The following ADAM12 variants were observed in gnomAD, a reference collection of about 807,000 sequenced individuals.
The protein encoded by ADAM12 is ADAM metallopeptidase domain 12, also known as disintegrin and metalloproteinase domain-containing protein 12.
Under a neutral mutation model 106.4 loss-of-function variants are expected in ADAM12, and 70 were observed. The ratio of observed to expected loss-of-function variants is 0.66; its 90% CI spans 0.54 to 0.80. The LOEUF (loss-of-function observed/expected upper bound fraction) is 0.80, where lower values mean the gene tolerates loss of function less well. Among genes scored for constraint, ADAM12 ranks in the 30% least tolerant of loss-of-function variants. ADAM12 has a pLI of 0.00. For synonymous variants in ADAM12, 420 were observed against 433.5 expected (o/e 0.97, Z 0.39); for missense variants, 1,010 against 1,171.9 (o/e 0.86, Z 2.02).
At chr10:126,135,528 A>G in intron 5 of ADAM12, 56 bp downstream of exon 5, 1 of 1,517,540 alleles carries the variant, frequency 6.6e-7, no homozygotes, top group Non-Finnish European at 9.1e-7. Context: ...GAAAAGACAG[A>G]GGTTGCCTGC....
intron 3 of ADAM12, among the ~76,000 whole-genome samples, chr10:126,162,324 C>T (rs765948776): frequency 6.6e-6 from 1 of 152,040 alleles, no homozygotes; most frequent in Non-Finnish European, 1.5e-5. Context: ...GGAGAGCATT[C>T]CAGCGAGAGG....
intron 19 of ADAM12, among the ~76,000 whole-genome samples, chr10:126,038,892 AC>A (rs1954105201): frequency 6.7e-6 from 1 of 150,226 alleles, no homozygotes. Flanking sequence ...AGAAAATCTG[AC>A]CTTTGCTAAA....
chr10:126,102,012 C>T (rs919119038), intron 8 of ADAM12, among the ~76,000 whole-genome samples: 3 of 152,154 alleles, frequency 2.0e-5, no homozygotes, highest in Middle Eastern at 3.2e-3. Context: ...TTGGGTGTTC[C>T]TGACTTCAGC....
intron 14 of ADAM12, among the ~76,000 whole-genome samples, chr10:126,057,958 T>TGAATCAGA (rs1954668830): frequency 6.6e-6 from 1 of 152,212 alleles, no homozygotes; most frequent in Admixed American, 6.5e-5. Context: ...CACATAAGAT[T>TGAATCAGA]GAATCAGAGA....
intron 5 of ADAM12, among the ~76,000 whole-genome samples, chr10:126,123,470 C>T (rs1042611924): frequency 3.3e-5 from 5 of 152,158 alleles, no homozygotes; most frequent in South Asian, 2.1e-4. Flanking sequence ...TTCTCTAGAG[C>T]GACAGGAGGA....
At chr10:126,130,052 T>C (rs1388289982) in intron 5 of ADAM12, among the ~76,000 whole-genome samples, 3 of 152,240 alleles carry the variant, frequency 2.0e-5, no homozygotes, top group Non-Finnish European at 4.4e-5. Context: ...CTGTAATTAA[T>C]GTGTCTTCTA....
At chr10:126,062,347 G>A (rs1954774944) in intron 14 of ADAM12, among the ~76,000 whole-genome samples, 3 of 152,298 alleles carry the variant, frequency 2.0e-5, no homozygotes, top group South Asian at 2.1e-4. Flanking sequence ...GTGGGTGGGA[G>A]AGAGTAGAGC....
At chr10:126,313,652 C>T (rs1030709004) in intron 2 of ADAM12, among the ~76,000 whole-genome samples, 4 of 152,116 alleles carry the variant, frequency 2.6e-5, no homozygotes, top group East Asian at 1.9e-4. Flanking sequence ...TCTGTCCATC[C>T]GTCGATCTGT....
intron 1 of ADAM12, among the ~76,000 whole-genome samples, chr10:126,376,455 C>A (rs10159770): frequency 0.7 from 105,751 of 152,080 alleles, 37,060 homozygotes; most frequent in African/African-American, 0.76. Flanking sequence ...CTGTCTACTT[C>A]TGTGTATGTT....
In ADAM12 at chr10:126,094,023, C is replaced by G; in HGVS notation, c.1107G>C (p.Ala369=). The change falls in exon 11 of 23, where the codon GCG becomes GCC. Residue 369 remains alanine (A), a synonymous_variant. Coordinates refer to ENST00000448723, the MANE Select transcript of ADAM12 (RefSeq NM_001288973.2). ...TLDRGCSCQM[A]VEKGGCIMNA... is the part of the protein sequence containing the mutation. ...TCATGATGCAGCCTCCTTTCTCAAC[C>G]GCCATTTGACAGCTACAGCCCCTGT... 2 of 1,614,168 alleles carry G rather than the reference C, an allele frequency of 1.2e-6. No homozygotes were observed. Among genetic ancestry groups the G allele is most frequent in the Non-Finnish European group, 1.7e-6 (2 of 1,180,038 alleles).
At chr10:126,113,729 T>TATAC (rs1955926889) in intron 6 of ADAM12, among the ~76,000 whole-genome samples, 1 of 31,858 alleles carries the variant, frequency 3.1e-5, no homozygotes, top group East Asian at 1.5e-3. Context: ...TATATATATA[T>TATAC]ATAATATATT....
chr10:126,197,047 T>A (rs1234400350), intron 3 of ADAM12, among the ~76,000 whole-genome samples: 1 of 152,034 alleles, frequency 6.6e-6, no homozygotes, highest in Non-Finnish European at 1.5e-5. Flanking sequence ...TGCTGTGGCT[T>A]TAAGATGGGA....
intron 1 of ADAM12, among the ~76,000 whole-genome samples, chr10:126,355,060 A>G (rs1348619466): frequency 1.3e-5 from 2 of 152,214 alleles, no homozygotes; most frequent in African/African-American, 2.4e-5. Flanking sequence ...AATTGTGTTG[A>G]GTGAATTTAT....
At chr10:126,218,187 G>A (rs1958024016) in intron 3 of ADAM12, among the ~76,000 whole-genome samples, 1 of 151,818 alleles carries the variant, frequency 6.6e-6, no homozygotes, top group African/African-American at 2.4e-5. Flanking sequence ...TGTGTGGGGG[G>A]GCAGGGGGTG....
intron 17 of ADAM12, among the ~76,000 whole-genome samples, chr10:126,044,696 C>A (rs1954268974): frequency 6.6e-6 from 1 of 152,204 alleles, no homozygotes; most frequent in Non-Finnish European, 1.5e-5. Context: ...GATGAATCAA[C>A]CACCTACCCT....
At chr10:126,276,422 A>T (rs1371343180) in intron 3 of ADAM12, among the ~76,000 whole-genome samples, 1 of 152,208 alleles carries the variant, frequency 6.6e-6, no homozygotes, top group African/African-American at 2.4e-5. Flanking sequence ...GTCTAACAGC[A>T]TTACATGCTA....
In ADAM12 at chr10:126,013,337, CAG is replaced by C. The variant is rs1279768309; in HGVS notation, c.*3940_*3941del. The C allele has an allele frequency of 4.6e-5, 7 of 152,308 alleles. No individual in the cohort carries two copies. The East Asian group carries it at 1.3e-3, about 29-fold the overall frequency. 9.4% of individuals were successfully genotyped at this position (152,308 alleles called of 1,614,324 possible). ...CTTAGAGTGTCATTTGTTTTAGTAT[CAG>C]AGTTTTCAAATAGGTTTAAAAGCAG... is the stretch of plus-strand genomic sequence containing the variant. On this transcript the variant is annotated 3_prime_UTR_variant, in exon 23 of 23. Coordinates refer to ENST00000448723, the MANE Select transcript of ADAM12 (RefSeq NM_001288973.2). The surrounding 1 kb of genome is among the most constrained non-coding windows in gnomAD (Gnocchi z 4.3).
intron 14 of ADAM12, among the ~76,000 whole-genome samples, chr10:126,059,675 C>T (rs1954709814): frequency 2.0e-5 from 3 of 152,206 alleles, no homozygotes; most frequent in Admixed American, 6.5e-5. Context: ...GGTCAGCTCA[C>T]ACTGCAGAAA....
At chr10:126,045,027 C>G (rs1302493423) in intron 17 of ADAM12, among the ~76,000 whole-genome samples, 1 of 152,144 alleles carries the variant, frequency 6.6e-6, no homozygotes, top group African/African-American at 2.4e-5. Context: ...TAGGCTCCAC[C>G]TACCCAGCAA....
Sources: gnomAD v4.1 joint callset for allele counts (sites outside exome capture counted in the v4.1 genomes callset) on GRCh38, gnomAD v4.1.1 for gene constraint, Gnocchi (gnomAD v3.1) non-coding constraint, MANE v1.5 for transcripts, NCBI Gene and HGNC (gene_info 2026-07-23, HGNC 2026-07-21) for gene names.